The following EMID1 variants were observed in gnomAD, a reference collection of about 807,000 sequenced individuals.
EMID1 encodes EMI domain containing 1, also known as EMI domain-containing protein 1.
EMID1 carries 40 observed loss-of-function variants against 60.6 expected under a neutral mutation model. The observed-to-expected ratio is 0.66, with a 90% CI of 0.51 to 0.86. The LOEUF (loss-of-function observed/expected upper bound fraction) is 0.86. EMID1 is among the 40% of genes least tolerant of loss of function. EMID1 has a pLI of 0.00. For missense variants in EMID1, 585 were observed against 597.1 expected, an observed-to-expected ratio of 0.98 and a Z score of 0.21; for synonymous variants, 242 against 231.0, an observed-to-expected ratio of 1.05 and a Z score of -0.43.
Position 29,250,733 on chromosome 22 carries a change from A to ATT in EMID1, c.1120-3436_1120-3435dup, listed in dbSNP as rs748172215. ...AGGCATGCACCACCACACCCGGCTA[A>ATT]TTTTTTTTTTTTTTTTTTTTTTTTT... is the stretch of plus-strand genomic sequence containing the variant. On this transcript the variant is annotated intron_variant, in intron 13 of 14. Transcript: ENST00000334018. Among the ~76,000 whole-genome samples, 158 of 22,484 alleles carry ATT rather than the reference A, an allele frequency of 7.0e-3. 10 individuals are homozygous for ATT. The highest frequency in any genetic ancestry group is 0.02 in the African/African-American group (138 of 6,780). The allele number at this position is 22,484 out of a possible 152,430, so 14.8% of individuals were successfully genotyped here.
chr22:29,210,213 C>A (rs2039828821), intron 1 of EMID1, among the ~76,000 whole-genome samples: 1 of 150,900 alleles, frequency 6.6e-6, no homozygotes, highest in Non-Finnish European at 1.5e-5. Context: ...CAAGCACAGT[C>A]CAGATTATGG....
At chr22:29,230,907 A>C in intron 5 of EMID1, 113 bp from the exon 6 acceptor site, 1 of 1,394,662 alleles carries the variant, frequency 7.2e-7, no homozygotes, top group South Asian at 1.6e-5. Context: ...ATGAGCCGTC[A>C]TAGTACTACT....
chr22:29,215,374 G>T, intron 2 of EMID1, 153 bp from the exon 3 acceptor site: 1 of 841,194 alleles, frequency 1.2e-6, no homozygotes. Flanking sequence ...GGATGGAAGG[G>T]CTGAATCCCA....
intron 1 of EMID1, among the ~76,000 whole-genome samples, chr22:29,208,200 T>C (rs1448612523): frequency 6.6e-6 from 1 of 152,158 alleles, no homozygotes; most frequent in Admixed American, 6.5e-5. Flanking sequence ...TGTCATGCCC[T>C]GTCAGCCTTC....
In EMID1 at chr22:29,249,590, ATTTAT is replaced by A. The variant is rs1427519576; in HGVS notation, c.1120-4610_1120-4606del. Among the ~76,000 whole-genome samples the A allele has an allele frequency of 3.4e-3, 104 of 30,346 alleles. 1 individual carries two copies. Among genetic ancestry groups the A allele is most frequent in the East Asian group, 0.023 (89 of 3,914 alleles). The allele number at this position is 30,346 out of a possible 152,430, so 19.9% of individuals were successfully genotyped here. ...GCCTGACCCCCAAAATACCTTTATTATTTATTTATTTATTTATTTATTTATTTATT... is the reference window on the plus strand; with the variant it reads ...GCCTGACCCCCAAAATACCTTTATTATTATTTATTTATTTATTTATTTATT... On this transcript the variant is annotated intron_variant, in intron 13 of 14. Transcript: ENST00000334018.
At position 29,254,005 on chromosome 22, in the gene EMID1, G is replaced by C; in HGVS notation, c.1120-198G>C. On this transcript the variant is annotated intron_variant, in intron 13 of 14. Transcript: ENST00000334018. Reference sequence around the variant, plus strand: ...GGACCTTCTGGGAGGTCCTGCAGGGGTTGCTTCCTTCCGTCTGCCTTGTTG... The same window carrying C: ...GGACCTTCTGGGAGGTCCTGCAGGGCTTGCTTCCTTCCGTCTGCCTTGTTG... 8.1e-6 allele frequency: 8 copies of C among 985,408 alleles called. No homozygotes were observed. The South Asian group carries it at 1.4e-4, about 17-fold the overall frequency. 61.0% of individuals were successfully genotyped at this position (985,408 alleles called of 1,614,324 possible).
At chr22:29,222,781 A>G (rs1171368829) in intron 3 of EMID1, among the ~76,000 whole-genome samples, 1 of 152,202 alleles carries the variant, frequency 6.6e-6, no homozygotes, top group Admixed American at 6.5e-5. Flanking sequence ...TTGGTGATTC[A>G]TGTATTCATC....
At chr22:29,253,609 A>G (rs988918037) in intron 13 of EMID1, among the ~76,000 whole-genome samples, 4 of 152,198 alleles carry the variant, frequency 2.6e-5, no homozygotes, top group African/African-American at 9.6e-5. Flanking sequence ...TTGACTTGTG[A>G]TATTTTCAAC....
At position 29,226,646 on chromosome 22, in the gene EMID1, C is replaced by T. The variant is rs146403100; in HGVS notation, c.465+95C>T. On this transcript the variant is annotated intron_variant, in intron 5 of 14. Coordinates refer to ENST00000334018, the MANE Select transcript of EMID1 (RefSeq NM_133455.4). ...CCTCCCCACCTCCTTCCCCGCACCCCATGCTCGCACCCTCAGTGAACCCAC... is the reference window on the plus strand; with the variant it reads ...CCTCCCCACCTCCTTCCCCGCACCCTATGCTCGCACCCTCAGTGAACCCAC... 7.4e-4 allele frequency: 953 copies of T among 1,286,494 alleles called. 10 individuals carry two copies. The African/African-American group carries it at 0.012, about 16-fold the overall frequency. 79.7% of individuals were successfully genotyped at this position (1,286,494 alleles called of 1,614,324 possible). A position where few individuals can be genotyped will look rare whatever the true frequency, so the allele number is the denominator to read the frequency against.
chr22:29,225,069 G>A (rs1278010299), intron 3 of EMID1, 64 bp from the exon 4 acceptor site: 24 of 1,547,544 alleles, frequency 1.6e-5, no homozygotes, highest in Admixed American at 5.0e-5. Flanking sequence ...CTACAGTGGT[G>A]GGCAGGGGGG....
Position 29,259,409 on chromosome 22 carries a change from A to C in EMID1, c.*465A>C. 1.1e-5 allele frequency: 2 copies of C among 174,472 alleles called. No individual in the cohort carries two copies. Among genetic ancestry groups the C allele is most frequent in the African/African-American group, 2.4e-5 (1 of 41,690 alleles). The allele number at this position is 174,472 out of a possible 1,614,324, so 10.8% of individuals were successfully genotyped here. A position where few individuals can be genotyped will look rare whatever the true frequency, so the allele number is the denominator to read the frequency against. ...CCCCACCCCGAGGTCAGGCTGCCCAATCCTCTGACTGGATCACCGGGGGCT... is the reference window on the plus strand; with the variant it reads ...CCCCACCCCGAGGTCAGGCTGCCCACTCCTCTGACTGGATCACCGGGGGCT... On this transcript the variant is annotated 3_prime_UTR_variant, in exon 15 of 15. Transcript: ENST00000334018.
chr22:29,254,253 G>T lies in EMID1; in HGVS notation c.1170G>T (p.Arg390Ser). The change falls in exon 14 of 15, where the codon AGG becomes AGT. Residue 390 changes from arginine (R) to serine (S), a missense_variant. Arg to Ser is a moderately radical substitution (Grantham distance 110, BLOSUM62 -1). Coordinates refer to ENST00000334018, the MANE Select transcript of EMID1 (RefSeq NM_133455.4). ...AGGCTTTGAAGATTTTAGCTGAGAGGGTTTTAATCTTGGAAACAATGATTG... is the reference window on the plus strand; with the variant it reads ...AGGCTTTGAAGATTTTAGCTGAGAGTGTTTTAATCTTGGAAACAATGATTG... ...LREALKILAE[R>S]VLILETMIGL... is the part of the protein sequence containing the mutation. The T allele has an allele frequency of 3.1e-6, 5 of 1,614,168 alleles. No individual in the cohort carries two copies. Among genetic ancestry groups the T allele is most frequent in the Non-Finnish European group, 4.2e-6 (5 of 1,180,014 alleles).
chr22:29,206,347 C>G (rs2039652565), intron 1 of EMID1, among the ~76,000 whole-genome samples: 1 of 152,206 alleles, frequency 6.6e-6, no homozygotes, highest in Non-Finnish European at 1.5e-5. Context: ...TCCCCTACTC[C>G]CTCCCTTTCA....
In EMID1 at chr22:29,225,102, G is replaced by A. The variant is rs564529758; in HGVS notation, c.320-31G>A. ...GGGCCTGAGGAGGCAAGGATCACAT[G>A]CCAGCAGGGCTCTCACCCTCCATCC... On this transcript the variant is annotated intron_variant, in intron 3 of 14. Transcript: ENST00000334018. 4.7e-5 allele frequency: 76 copies of A among 1,611,386 alleles called. No homozygotes were observed. The East Asian group carries it at 1.4e-3, about 29-fold the overall frequency.
chr22:29,215,680 C>G (rs532321780), intron 3 of EMID1, 50 bp downstream of exon 3: 36 of 1,475,692 alleles, frequency 2.4e-5, no homozygotes, highest in Non-Finnish European at 3.2e-5. Context: ...AGGCCAGGTG[C>G]CTCCCTGCAG....
intron 10 of EMID1, 55 bp downstream of exon 10, chr22:29,233,721 G>A: frequency 6.6e-7 from 1 of 1,525,194 alleles, no homozygotes; most frequent in South Asian, 1.1e-5. Flanking sequence ...TTCCATCTAT[G>A]CATACATCCA....
intron 8 of EMID1, 88 bp from the exon 9 acceptor site, chr22:29,233,291 G>T (rs1205396292): frequency 6.9e-7 from 1 of 1,455,104 alleles, no homozygotes; most frequent in African/African-American, 1.4e-5. Flanking sequence ...CCATAGGGCA[G>T]TCCAAGCTGT....
Position 29,223,234 on chromosome 22 carries a change from C to T in EMID1, c.320-1899C>T, listed in dbSNP as rs565758215. Among the ~76,000 whole-genome samples, 3 of 152,290 alleles carry T rather than the reference C, an allele frequency of 2.0e-5. No individual in the cohort carries two copies. The South Asian group carries it at 6.2e-4, about 32-fold the overall frequency. ...AGGAGGCCAGATGACAGGCAGTGGC[C>T]TGGGAAACTGGAGCAGTTAATAACA... is the stretch of plus-strand genomic sequence containing the variant. On this transcript the variant is annotated intron_variant, in intron 3 of 14. Transcript: ENST00000334018.
intron 14 of EMID1, chr22:29,255,472 TTCTTCATCCAGCCAGCCAG>T: frequency 1.2e-6 from 1 of 809,146 alleles, no homozygotes. Flanking sequence ...CGGACACTCA[TTCTTCATCCAGCCAGCCAG>T]CCAGCAAATG....
Sources: allele counts gnomAD v4.1 joint callset (sites outside exome capture counted in the v4.1 genomes callset), GRCh38; gene constraint gnomAD v4.1.1; transcripts MANE v1.5; gene names NCBI Gene and HGNC (gene_info 2026-07-23, HGNC 2026-07-21).